The following TNFRSF11A variants were observed in gnomAD, a reference collection of about 807,000 sequenced individuals.
TNFRSF11A encodes tumor necrosis factor receptor superfamily member 11A.
A neutral mutation model predicts 55.7 loss-of-function variants in TNFRSF11A; 32 were observed. That is an observed-to-expected ratio of 0.57 (90% CI 0.43 to 0.77). The LOEUF is 0.77. Among genes scored for constraint, TNFRSF11A ranks in the 30% least tolerant of loss-of-function variants. The pLI, the probability that TNFRSF11A is intolerant of heterozygous loss-of-function variation, is 0.00. For synonymous variants in TNFRSF11A, 311 were observed against 331.0 expected, an observed-to-expected ratio of 0.94 and a Z score of 0.65; for missense variants, 753 against 809.8, an observed-to-expected ratio of 0.93 and a Z score of 0.85.
At chr18:62,364,354 G>A (rs1909918416) in intron 7 of TNFRSF11A, among the ~76,000 whole-genome samples, 1 of 152,130 alleles carries the variant, frequency 6.6e-6, no homozygotes. Context: ...AGGGCATGGC[G>A]AGACCATGTA....
At chr18:62,373,184 G>A (rs1910669400) in intron 9 of TNFRSF11A, among the ~76,000 whole-genome samples, 1 of 152,232 alleles carries the variant, frequency 6.6e-6, no homozygotes, top group Admixed American at 6.5e-5. Context: ...CTGGCTGGGT[G>A]CAGTGGCTCA....
At position 62,361,778 on chromosome 18, in the gene TNFRSF11A, G is replaced by C. The variant is rs1362826884; in HGVS notation, c.715G>C (p.Gly239Arg). ...IIFGVCYRKKGKALTANLWHW... is the reference protein window; with the variant it reads ...IIFGVCYRKKRKALTANLWHW... ...CTTTGGCGTTTGCTATAGGAAAAAAGGGAAAGCACTCACAGGTATTGTGTC... is the reference window on the plus strand; with the variant it reads ...CTTTGGCGTTTGCTATAGGAAAAAACGGAAAGCACTCACAGGTATTGTGTC... Residue 239 changes from glycine (G) to arginine (R), a missense_variant, in exon 7 of 10, where the codon GGG becomes CGG. Coordinates refer to ENST00000586569, the MANE Select transcript of TNFRSF11A (RefSeq NM_003839.4). The C allele has an allele frequency of 6.2e-7, 1 of 1,613,908 alleles. No individual in the cohort carries two copies. The highest frequency in any genetic ancestry group is 1.1e-5 in the South Asian group (1 of 91,082).
intron 7 of TNFRSF11A, among the ~76,000 whole-genome samples, chr18:62,362,509 AAAAAG>A (rs1909770316): frequency 6.6e-6 from 1 of 151,160 alleles, no homozygotes; most frequent in Non-Finnish European, 1.5e-5. Context: ...AAAAAAAAAA[AAAAAG>A]AACCTTCGAT....
chr18:62,346,393 TA>T (rs1362745803), intron 1 of TNFRSF11A, among the ~76,000 whole-genome samples: 5 of 152,188 alleles, frequency 3.3e-5, no homozygotes, highest in Non-Finnish European at 5.9e-5. Flanking sequence ...GGGTGGCATC[TA>T]AAACAGAGAA....
At chr18:62,373,186 A>G (rs1420988313) in intron 9 of TNFRSF11A, among the ~76,000 whole-genome samples, 2 of 152,232 alleles carry the variant, frequency 1.3e-5, no homozygotes, top group Non-Finnish European at 2.9e-5. Flanking sequence ...GGCTGGGTGC[A>G]GTGGCTCACG....
chr18:62,381,825 C>G (rs1251675488), intron 9 of TNFRSF11A, among the ~76,000 whole-genome samples: 3 of 152,042 alleles, frequency 2.0e-5, no homozygotes, highest in Non-Finnish European at 4.4e-5. Flanking sequence ...TTGAATGTCC[C>G]ATTCCATGTA....
intron 1 of TNFRSF11A, among the ~76,000 whole-genome samples, chr18:62,341,484 C>G (rs780819745): frequency 2.0e-5 from 3 of 152,158 alleles, no homozygotes; most frequent in Non-Finnish European, 4.4e-5. Flanking sequence ...ATCATTTTTC[C>G]CCTTTCTAGT....
At chr18:62,372,211 A>T (rs1431521888) in intron 9 of TNFRSF11A, among the ~76,000 whole-genome samples, 1 of 152,206 alleles carries the variant, frequency 6.6e-6, no homozygotes, top group Non-Finnish European at 1.5e-5. Flanking sequence ...AGGGGGAAGC[A>T]TACTTCTGGT....
chr18:62,366,459 ATGT>A lies in TNFRSF11A; in HGVS notation c.731-245_731-243del, dbSNP rs575758389. Among the ~76,000 whole-genome samples the A allele has an allele frequency of 2.0e-5, 3 of 152,336 alleles. No individual in the cohort carries two copies. The South Asian group carries it at 6.2e-4, about 32-fold the overall frequency. ...GTACAGATGGGGACTGTAGTTAATC[ATGT>A]TGTATCATATTCAAGATTTTTGCTA... On this transcript the variant is annotated intron_variant, in intron 7 of 9. Transcript: ENST00000586569.
In TNFRSF11A at chr18:62,385,668, C is replaced by CCA. The variant is rs1186940106; in HGVS notation, c.*635_*636dup. 2 of 151,102 alleles carry CCA rather than the reference C, an allele frequency of 1.3e-5. No homozygotes were observed. Among genetic ancestry groups the CCA allele is most frequent in the African/African-American group, 2.4e-5 (1 of 40,988 alleles). 9.4% of individuals were successfully genotyped at this position (151,102 alleles called of 1,614,324 possible). On this transcript the variant is annotated 3_prime_UTR_variant, in exon 10 of 10. Transcript: ENST00000586569. ...CAGCTTCCTCCCCCCGACTCCCCCCCCAGAGACACGGTCCCACCATGTTAC... is the reference window on the plus strand; with the variant it reads ...CAGCTTCCTCCCCCCGACTCCCCCCCCACAGAGACACGGTCCCACCATGTTAC...
chr18:62,385,088 C>A lies in TNFRSF11A; in HGVS notation c.*54C>A. ...TCGGAGCCAGGGCTCGCGAGGGCAG[C>A]ACCGCAGCCTCTGCCCCAGCCCCGG... is the stretch of plus-strand genomic sequence containing the variant. On this transcript the variant is annotated 3_prime_UTR_variant, in exon 10 of 10. Transcript: ENST00000586569. The A allele has an allele frequency of 7.1e-7, 1 of 1,404,618 alleles. No individual in the cohort carries two copies. Among genetic ancestry groups the A allele is most frequent in the Admixed American group, 3.4e-5 (1 of 29,490 alleles). The allele number at this position is 1,404,618 out of a possible 1,614,324, so 87.0% of individuals were successfully genotyped here. A position where few individuals can be genotyped will look rare whatever the true frequency, so the allele number is the denominator to read the frequency against.
intron 1 of TNFRSF11A, among the ~76,000 whole-genome samples, chr18:62,327,668 G>T (rs2046095154): frequency 6.6e-6 from 1 of 152,174 alleles, no homozygotes; most frequent in African/African-American, 2.4e-5. Flanking sequence ...AAGACTTCAG[G>T]AACTGCCTAG....
At position 62,377,167 on chromosome 18, in the gene TNFRSF11A, G is replaced by A. The variant is rs191698809; in HGVS notation, c.1568-7584G>A. On this transcript the variant is annotated intron_variant, in intron 9 of 9. Coordinates refer to ENST00000586569, the MANE Select transcript of TNFRSF11A (RefSeq NM_003839.4). ...CCTGACCTTGAGAGTCGCCCGCCTC[G>A]GCCTCCCAAAGTGCTGGGATTATAG... 4.6e-5 allele frequency among the ~76,000 whole-genome samples: 7 copies of A among 152,128 alleles called. No individual in the cohort carries two copies. In the East Asian group the frequency reaches 5.8e-4, roughly 13 times the overall value.
intron 9 of TNFRSF11A, among the ~76,000 whole-genome samples, chr18:62,381,639 T>G (rs1911296459): frequency 6.6e-6 from 1 of 152,236 alleles, no homozygotes; most frequent in African/African-American, 2.4e-5. Context: ...ATCTCATCTC[T>G]TCTTTATTCT....
intron 9 of TNFRSF11A, among the ~76,000 whole-genome samples, chr18:62,375,003 C>T (rs1376438699): frequency 6.6e-6 from 1 of 151,854 alleles, no homozygotes; most frequent in Non-Finnish European, 1.5e-5. Context: ...CCCCCAGGCT[C>T]AATCCATCCT....
chr18:62,343,162 G>T (rs1333028213), intron 1 of TNFRSF11A, among the ~76,000 whole-genome samples: 2 of 152,194 alleles, frequency 1.3e-5, no homozygotes, highest in Non-Finnish European at 2.9e-5. Context: ...GTAAGATTCA[G>T]AAATTTGATA....
At chr18:62,353,486 G>A (rs144975293) in intron 3 of TNFRSF11A, among the ~76,000 whole-genome samples, 3 of 152,298 alleles carry the variant, frequency 2.0e-5, no homozygotes, top group African/African-American at 7.2e-5. Flanking sequence ...AGAAGGCAGA[G>A]CATCGATTAC....
chr18:62,349,371 G>A (rs1337022557), intron 2 of TNFRSF11A, among the ~76,000 whole-genome samples: 2 of 152,072 alleles, frequency 1.3e-5, no homozygotes, highest in Middle Eastern at 3.4e-3. Context: ...TAGTAGAGAC[G>A]AGATTTCACC....
At chr18:62,349,503 CTT>C (rs1347289930) in intron 2 of TNFRSF11A, among the ~76,000 whole-genome samples, 1 of 152,144 alleles carries the variant, frequency 6.6e-6, no homozygotes, top group African/African-American at 2.4e-5. Flanking sequence ...CCTTAGCAGA[CTT>C]TTTGGGTGCA....
Sources: allele counts gnomAD v4.1 joint callset (sites outside exome capture counted in the v4.1 genomes callset), GRCh38; gene constraint gnomAD v4.1.1; transcripts MANE v1.5; gene names NCBI Gene and HGNC (gene_info 2026-07-23, HGNC 2026-07-21).